The following RAI1 variants were observed in gnomAD, a reference collection of about 807,000 sequenced individuals.
RAI1 encodes retinoic acid induced 1.
RAI1 carries 9 observed loss-of-function variants against 123.8 expected under a neutral mutation model. That is an observed-to-expected ratio of 0.07 (90% confidence interval 0.04 to 0.13). RAI1 has a LOEUF of 0.13. RAI1 is among the 10% of genes least tolerant of loss of function. The pLI is 1.00. For synonymous variants in RAI1, 1,231 were observed against 1,127.3 expected, an observed-to-expected ratio of 1.09 and a Z score of -1.84; for missense variants, 2,256 against 2,545.8, an observed-to-expected ratio of 0.89 and a Z score of 2.45.
rs763945694 is a variant in RAI1, at chr17:17,796,640, C to T, written c.3692C>T (p.Pro1231Leu). 9 of 1,611,952 alleles carry T rather than the reference C, an allele frequency of 5.6e-6. No individual in the cohort carries two copies. The highest frequency in any genetic ancestry group is 1.1e-5 in the South Asian group (1 of 91,048). Residue 1231 changes from proline (P) to leucine (L), a missense_variant, in exon 3 of 6, where the codon CCG becomes CTG. Pro to Leu is a moderately conservative substitution (Grantham distance 98). Around this residue, in one of 7 missense-constraint regions of RAI1, gnomAD observed 322 missense variants for 358.0 expected, o/e 0.90. Transcript: ENST00000353383. The surrounding 1 kb of genome is among the most constrained non-coding windows in gnomAD (Gnocchi z 5.8). Reference protein sequence around the residue: ...ALKRKSAFMAPVPTKKRNLVL... With the variant: ...ALKRKSAFMALVPTKKRNLVL... Reference sequence around the variant, plus strand: ...AAAAGGAAGTCGGCCTTCATGGCGCCGGTCCCCACCAAGAAGCGGAACCTG... The same window carrying T: ...AAAAGGAAGTCGGCCTTCATGGCGCTGGTCCCCACCAAGAAGCGGAACCTG...
rs116931857 is a variant in RAI1, at chr17:17,734,541, G to A, written c.-17+10382G>A. 1.4e-4 allele frequency among the ~76,000 whole-genome samples: 22 copies of A among 152,328 alleles called. No individual in the cohort carries two copies. In the East Asian group the frequency reaches 4.1e-3, roughly 28 times the overall value. On this transcript the variant is annotated intron_variant, in intron 2 of 5. Coordinates refer to ENST00000353383, the MANE Select transcript of RAI1 (RefSeq NM_030665.4). The stretch of plus-strand genomic sequence containing the variant: ...AACAAATGGTACTTATCCTCCCGTG[G>A]GAGCAGACCAGGGCTAACCAAGGCC...
chr17:17,734,422 T>A (rs1916360991), intron 2 of RAI1, among the ~76,000 whole-genome samples: 1 of 151,780 alleles, frequency 6.6e-6, no homozygotes, highest in African/African-American at 2.4e-5. Context: ...CCAGCCTGGG[T>A]GAAAGAGCGA....
chr17:17,708,891 G>C (rs1915475499), intron 1 of RAI1, among the ~76,000 whole-genome samples: 1 of 152,250 alleles, frequency 6.6e-6, no homozygotes, highest in Admixed American at 6.5e-5. Flanking sequence ...ACAGCTGCCA[G>C]GGTTTGGAGT....
intron 1 of RAI1, among the ~76,000 whole-genome samples, chr17:17,688,788 C>T (rs1045912840): frequency 6.6e-6 from 1 of 151,062 alleles, no homozygotes; most frequent in Non-Finnish European, 1.5e-5. Flanking sequence ...TTAGTAGAGA[C>T]GGGGTTTCAC....
rs1310680109 is a variant in RAI1, at chr17:17,750,039, C to T, written c.-17+25880C>T. Among the ~76,000 whole-genome samples the T allele has an allele frequency of 3.3e-5, 5 of 152,206 alleles. No individual in the cohort carries two copies. In the East Asian group the frequency reaches 9.6e-4, roughly 29 times the overall value. ...GGTTTCCTCCACATGGCAATGTGGCCGGGGCATGGTCTGCATCAAGCTGGC... is the reference window on the plus strand; with the variant it reads ...GGTTTCCTCCACATGGCAATGTGGCTGGGGCATGGTCTGCATCAAGCTGGC... On this transcript the variant is annotated intron_variant, in intron 2 of 5. Transcript: ENST00000353383.
chr17:17,807,252 G>C (rs999462361), intron 4 of RAI1, among the ~76,000 whole-genome samples: 2 of 150,672 alleles, frequency 1.3e-5, no homozygotes, highest in Admixed American at 1.3e-4. Flanking sequence ...CAGGCGGTGG[G>C]GGGGGCGGGG....
intron 1 of RAI1, among the ~76,000 whole-genome samples, chr17:17,706,585 G>T (rs1449372140): frequency 6.6e-6 from 1 of 152,302 alleles, no homozygotes; most frequent in East Asian, 1.9e-4. Flanking sequence ...CTGGATGGGG[G>T]TGGCCCTGTG....
chr17:17,775,201 A>ATTT (rs56152905), intron 2 of RAI1, among the ~76,000 whole-genome samples: 1,324 of 123,402 alleles, frequency 0.011, 22 homozygotes, highest in Non-Finnish European at 0.017. Flanking sequence ...TTCATGTGTA[A>ATTT]TTTTTTTTTT....
intron 2 of RAI1, among the ~76,000 whole-genome samples, chr17:17,737,747 G>T (rs1916482151): frequency 6.6e-6 from 1 of 152,162 alleles, no homozygotes; most frequent in African/African-American, 2.4e-5. Flanking sequence ...CATGGGCAAG[G>T]GTCCAGGGCC....
intron 1 of RAI1, among the ~76,000 whole-genome samples, chr17:17,695,950 G>C (rs1915015809): frequency 6.6e-6 from 1 of 152,182 alleles, no homozygotes; most frequent in Admixed American, 6.5e-5. Flanking sequence ...TTGAGAGGCT[G>C]TCCTCGCGCC....
chr17:17,737,999 G>C (rs953735262), intron 2 of RAI1, among the ~76,000 whole-genome samples: 1 of 152,166 alleles, frequency 6.6e-6, no homozygotes, highest in Non-Finnish European at 1.5e-5. Flanking sequence ...AAGGAGGGAG[G>C]CAGTGCCATC....
Position 17,762,733 on chromosome 17 carries a change from T to G in RAI1, c.-16-30200T>G, listed in dbSNP as rs3760178. Among the ~76,000 whole-genome samples, 11 of 152,204 alleles carry G rather than the reference T, an allele frequency of 7.2e-5. No homozygotes were observed. The East Asian group carries it at 2.1e-3, about 29-fold the overall frequency. ...GAGGGGCAGGTAGAGGTGAGCTCAG[T>G]AGAACCAAGAGCCCCCAGGACACAG... On this transcript the variant is annotated intron_variant, in intron 2 of 5. Transcript: ENST00000353383.
rs532911356 is a variant in RAI1 at position 17,690,106 on chromosome 17, C to T, written c.-149+8313C>T. ...TTTTAGAAGGAATTTCATTCCTAGC[C>T]GGGCACCGTGGCTCACGCCTGCAAT... On this transcript the variant is annotated intron_variant, in intron 1 of 5. Coordinates refer to ENST00000353383, the MANE Select transcript of RAI1 (RefSeq NM_030665.4). Among the ~76,000 whole-genome samples the T allele has an allele frequency of 1.8e-3, 267 of 152,240 alleles. 1 individual carries two copies. The highest frequency in any genetic ancestry group is 5.3e-3 in the African/African-American group (220 of 41,534).
Position 17,795,276 on chromosome 17 carries a change from A to G in RAI1, c.2328A>G (p.Ser776=), listed in dbSNP as rs1329118295. 3 of 1,613,574 alleles carry G rather than the reference A, an allele frequency of 1.9e-6. No homozygotes were observed. Among genetic ancestry groups the G allele is most frequent in the East Asian group, 2.2e-5 (1 of 44,872 alleles). The change falls in exon 3 of 6, where the codon TCA becomes TCG. Residue 776 remains serine, a synonymous_variant. Coordinates refer to ENST00000353383, the MANE Select transcript of RAI1 (RefSeq NM_030665.4). This position sits in a 1 kb window ranked among gnomAD's most constrained non-coding sequence, Gnocchi z 5.9. The part of the protein sequence containing the change: ...TKGLEQGGKA[S]DGISKGDTHE... The stretch of plus-strand genomic sequence containing the variant: ...GCCTGGAGCAGGGTGGGAAGGCCTC[A>G]GATGGCATCAGCAAAGGGGACACCC...
chr17:17,796,569 A>G lies in RAI1; in HGVS notation c.3621A>G (p.Lys1207=). 6.2e-7 allele frequency: 1 copy of G among 1,611,306 alleles called. No individual in the cohort carries two copies. Among genetic ancestry groups the G allele is most frequent in the Non-Finnish European group, 8.5e-7 (1 of 1,179,938 alleles). ...GRVSQRARVP[K]PGAGSKLSDR... is the part of the protein sequence containing the mutation. ...TGAGCCAGCGGGCAAGGGTCCCCAA[A>G]CCTGGTGCAGGCAGCAAGCTCTCTG... The change falls in exon 3 of 6, where the codon AAA becomes AAG. Residue 1207 remains lysine (K), a synonymous_variant. Transcript: ENST00000353383. The surrounding 1 kb of genome is among the most constrained non-coding windows in gnomAD (Gnocchi z 5.8).
chr17:17,793,748 A>T lies in RAI1; in HGVS notation c.800A>T (p.His267Leu). 6.2e-7 allele frequency: 1 copy of T among 1,612,554 alleles called. No homozygotes were observed. The highest frequency in any genetic ancestry group is 8.5e-7 in the Non-Finnish European group (1 of 1,179,962). ...CCGGGGCAGCGGGTCCAGAATCTTC[A>T]TGCCTACCAGTCGGGCCGCCTCAGC... The part of the protein sequence containing the change: ...LAPGQRVQNL[H>L]AYQSGRLSYD... The change falls in exon 3 of 6, where the codon CAT (histidine) becomes CTT (leucine). Residue 267 changes from histidine to leucine, a missense_variant. Coordinates refer to ENST00000353383, the MANE Select transcript of RAI1 (RefSeq NM_030665.4).
At chr17:17,752,179 G>T (rs1438107110) in intron 2 of RAI1, among the ~76,000 whole-genome samples, 2 of 152,154 alleles carry the variant, frequency 1.3e-5, no homozygotes, top group South Asian at 2.1e-4. Context: ...GCATACCCAC[G>T]GGCCAGTGCC....
intron 1 of RAI1, among the ~76,000 whole-genome samples, chr17:17,723,765 C>T (rs1416417226): frequency 6.7e-6 from 1 of 149,874 alleles, no homozygotes; most frequent in Non-Finnish European, 1.5e-5. Context: ...TCATCGCGCG[C>T]CCCTCCCCGC....
At position 17,778,750 on chromosome 17, in the gene RAI1, C is replaced by T. The variant is rs567441382; in HGVS notation, c.-16-14183C>T. The T allele has an allele frequency of 7.0e-4, 319 of 456,742 alleles. 3 individuals are homozygous for T. Among genetic ancestry groups the T allele is most frequent in the South Asian group, 4.9e-3 (315 of 64,568 alleles). 28.3% of individuals were successfully genotyped at this position (456,742 alleles called of 1,614,324 possible). A position where few individuals can be genotyped will look rare whatever the true frequency, so the allele number is the denominator to read the frequency against. On this transcript the variant is annotated intron_variant, in intron 2 of 5. Coordinates refer to ENST00000353383, the MANE Select transcript of RAI1 (RefSeq NM_030665.4). ...CGATTCTCCATGCTGGAGAGCCCGCCAAGAGGGATTCTCCTACAACTTTCC... is the reference window on the plus strand; with the variant it reads ...CGATTCTCCATGCTGGAGAGCCCGCTAAGAGGGATTCTCCTACAACTTTCC...
Sources: gnomAD v4.1 joint callset for allele counts (sites outside exome capture counted in the v4.1 genomes callset) on GRCh38, gnomAD v4.1.1 for gene constraint, gnomAD v4.1.1 regional missense constraint, Gnocchi (gnomAD v3.1) non-coding constraint, MANE v1.5 for transcripts, NCBI Gene and HGNC (gene_info 2026-07-23, HGNC 2026-07-21) for gene names.